Variants in SHC2 observed in about 807,000 individuals in gnomAD.
SHC2 encodes the protein SHC-transforming protein 2.
Under a neutral mutation model 60.6 loss-of-function variants are expected in SHC2, and 62 were observed. The observed-to-expected ratio is 1.02, with a 90% confidence interval of 0.83 to 1.26. SHC2 has a LOEUF of 1.26. Among genes scored for constraint, SHC2 ranks in the 50% most tolerant of loss-of-function variants. SHC2 has a pLI of 0.00. For missense variants in SHC2, 873 were observed against 822.2 expected (o/e 1.06, Z -0.76); for synonymous variants, 375 against 372.4 (o/e 1.01, Z -0.08).
chr19:449,041 A>C (rs1413166033), intron 1 of SHC2, among the ~76,000 whole-genome samples: 1 of 151,898 alleles, frequency 6.6e-6, no homozygotes, highest in African/African-American at 2.4e-5. Context: ...GGTGGTGCAC[A>C]CCTGTAGTCC....
rs112121087 is a variant in SHC2 at position 436,741 on chromosome 19, C to T, written c.721-58G>A. 3.3e-3 allele frequency: 5,032 copies of T among 1,505,588 alleles called. 146 individuals are homozygous for T. The African/African-American group carries it at 0.059, about 18-fold the overall frequency. 93.3% of individuals were successfully genotyped at this position (1,505,588 alleles called of 1,614,324 possible). A position where few individuals can be genotyped will look rare whatever the true frequency, so the allele number is the denominator to read the frequency against. ...GGCCCCGCTTCGAGGGCAGGGGGCC[C>T]GGCAGATGGACCAGGACCACAGCGA... On this transcript the variant is annotated intron_variant, in intron 4 of 12. Transcript: ENST00000264554.
chr19:451,723 G>A (rs769116700), intron 1 of SHC2, among the ~76,000 whole-genome samples: 7 of 151,970 alleles, frequency 4.6e-5, no homozygotes, highest in Non-Finnish European at 8.8e-5. Flanking sequence ...TCAGCCTCCC[G>A]AGTAGCTGGG....
intron 1 of SHC2, among the ~76,000 whole-genome samples, chr19:460,179 C>G (rs1227634972): frequency 6.6e-6 from 1 of 152,208 alleles, no homozygotes; most frequent in Non-Finnish European, 1.5e-5. Flanking sequence ...GTCTGTCATT[C>G]GTGAACAGCT....
intron 1 of SHC2, among the ~76,000 whole-genome samples, chr19:443,039 A>G (rs1341789843): frequency 2.8e-5 from 3 of 107,388 alleles, no homozygotes; most frequent in Non-Finnish European, 1.9e-5. Context: ...GGATGAATGG[A>G]TGGATGGACG....
rs1027077293 is a variant in SHC2, at chr19:445,502, G to C, written c.469-4570C>G. Among the ~76,000 whole-genome samples, 6 of 152,212 alleles carry C rather than the reference G, an allele frequency of 3.9e-5. No individual in the cohort carries two copies. The highest frequency in any genetic ancestry group is 1.4e-4 in the African/African-American group (6 of 41,454). On this transcript the variant is annotated intron_variant, in intron 1 of 12. Coordinates refer to ENST00000264554, the MANE Select transcript of SHC2 (RefSeq NM_012435.3). The surrounding 1 kb of genome is among the most constrained non-coding windows in gnomAD (Gnocchi z 4.4). ...TAATCGCAGCACTTCAGGAGACCTAGGTGGGAGGCTGTCTCGAAGCCAGGA... is the reference window on the plus strand; with the variant it reads ...TAATCGCAGCACTTCAGGAGACCTACGTGGGAGGCTGTCTCGAAGCCAGGA...
At chr19:455,970 C>T (rs369361451) in intron 1 of SHC2, among the ~76,000 whole-genome samples, 15 of 152,272 alleles carry the variant, frequency 9.9e-5, no homozygotes, top group African/African-American at 3.1e-4. Flanking sequence ...GATGTGGACA[C>T]GGGGCCGTTG....
At chr19:418,566 C>T (rs1974203271) in intron 12 of SHC2, among the ~76,000 whole-genome samples, 1 of 152,208 alleles carries the variant, frequency 6.6e-6, no homozygotes, top group Non-Finnish European at 1.5e-5. Context: ...GGCGCAATGC[C>T]CCTGGAGGAC....
At chr19:444,950 A>G (rs1975017484) in intron 1 of SHC2, among the ~76,000 whole-genome samples, 1 of 152,214 alleles carries the variant, frequency 6.6e-6, no homozygotes, top group South Asian at 2.1e-4. Context: ...CTCCTGGGCC[A>G]CACGGCCCGC....
rs539357580 is a variant in SHC2, at chr19:429,304, C to T, written c.1174+1380G>A. 2.9e-3 allele frequency among the ~76,000 whole-genome samples: 427 copies of T among 149,568 alleles called. 1 individual carries two copies. The highest frequency in any genetic ancestry group is 9.9e-3 in the African/African-American group (402 of 40,458). ...TGGATGACGCAGTACCTATACCCAA[C>T]ATGCACGGAAACCTAACACCGTGTG... On this transcript the variant is annotated intron_variant, in intron 9 of 12. Transcript: ENST00000264554.
chr19:430,880 C>T (rs1974570205), intron 8 of SHC2, 133 bp from the exon 9 acceptor site: 2 of 776,576 alleles, frequency 2.6e-6, no homozygotes, highest in Non-Finnish European at 4.2e-6. Flanking sequence ...CTGGCCCTCC[C>T]ATTGCTCTCT....
rs745466042 is a variant in SHC2, at chr19:440,347, T to G, written c.539+515A>C. The stretch of plus-strand genomic sequence containing the variant: ...CTCAAACTGTACATTATATCTCACA[T>G]ACGCACGTGTAAACTGTCTCACATG... On this transcript the variant is annotated intron_variant, in intron 2 of 12. Coordinates refer to ENST00000264554, the MANE Select transcript of SHC2 (RefSeq NM_012435.3). The surrounding 1 kb of genome is among the most constrained non-coding windows in gnomAD (Gnocchi z 7.0). Among the ~76,000 whole-genome samples, 12 of 152,176 alleles carry G rather than the reference T, an allele frequency of 7.9e-5. No individual in the cohort carries two copies. Among genetic ancestry groups the G allele is most frequent in the Non-Finnish European group, 1.6e-4 (11 of 68,022 alleles).
chr19:459,752 GGA>G (rs1975493268), intron 1 of SHC2, among the ~76,000 whole-genome samples: 1 of 152,216 alleles, frequency 6.6e-6, no homozygotes, highest in Admixed American at 6.5e-5. Context: ...GGAGGAGCTG[GGA>G]GCACCCACCG....
chr19:460,469 G>GA, intron 1 of SHC2, 60 bp downstream of exon 1: 10 of 914,740 alleles, frequency 1.1e-5, no homozygotes, highest in Non-Finnish European at 1.4e-5. Flanking sequence ...TCCCGGAGGA[G>GA]AGGGTGGGGG....
Position 446,396 on chromosome 19 carries a change from C to T in SHC2, c.469-5464G>A, listed in dbSNP as rs371589396. Among the ~76,000 whole-genome samples the T allele has an allele frequency of 6.6e-6, 1 of 152,090 alleles. No individual in the cohort carries two copies. The highest frequency in any genetic ancestry group is 1.5e-5 in the Non-Finnish European group (1 of 68,010). ...TGCGATCACGACTCACTGCAACTTCCGCCTCCCGGGTTCACACCATTCTCC... is the reference window on the plus strand; with the variant it reads ...TGCGATCACGACTCACTGCAACTTCTGCCTCCCGGGTTCACACCATTCTCC... On this transcript the variant is annotated intron_variant, in intron 1 of 12. Transcript: ENST00000264554. This position sits in a 1 kb window ranked among gnomAD's most constrained non-coding sequence, Gnocchi z 5.4.
Position 460,935 on chromosome 19 carries a change from G to C in SHC2, c.62C>G (p.Ala21Gly), listed in dbSNP as rs1450027651. The C allele has an allele frequency of 6.1e-6, 6 of 989,086 alleles. No homozygotes were observed. The highest frequency in any genetic ancestry group is 6.2e-5 in the Admixed American group (1 of 16,118). The allele number at this position is 989,086 out of a possible 1,614,324, so 61.3% of individuals were successfully genotyped here. The stretch of plus-strand genomic sequence containing the variant: ...CAGCAACGCGCAGAAGGTGGTGGGC[G>C]CCTCGGGCTCGGGGGGCGCGGGGGG... ...PAPPAPPEPE[A>G]PTTFCALLPR... The change falls in exon 1 of 13, where the codon GCG becomes GGG. Residue 21 changes from alanine to glycine, a missense_variant. Physicochemically the swap from Ala to Gly is moderately conservative, Grantham distance 60. Coordinates refer to ENST00000264554, the MANE Select transcript of SHC2 (RefSeq NM_012435.3).
At chr19:457,753 G>T (rs569679623) in intron 1 of SHC2, among the ~76,000 whole-genome samples, 34 of 152,328 alleles carry the variant, frequency 2.2e-4, no homozygotes, top group African/African-American at 7.7e-4. Context: ...CACATCCACG[G>T]CCAATGGCCA....
At chr19:419,330 C>T in intron 11 of SHC2, 1 of 413,764 alleles carries the variant, frequency 2.4e-6, no homozygotes, top group Non-Finnish European at 4.3e-6. Context: ...GGTCCCAGCC[C>T]TCAGAGCCTG....
Position 429,188 on chromosome 19 carries a change from C to T in SHC2, c.1174+1496G>A, listed in dbSNP as rs530508085. Among the ~76,000 whole-genome samples the T allele has an allele frequency of 4.1e-5, 6 of 147,738 alleles. No homozygotes were observed. In the South Asian group the frequency reaches 1.1e-3, roughly 27 times the overall value. ...CAGAAACCTAACACCGTGTGGATGACGCAGTACCTATATCCAACATGCAGA... is the reference window on the plus strand; with the variant it reads ...CAGAAACCTAACACCGTGTGGATGATGCAGTACCTATATCCAACATGCAGA... On this transcript the variant is annotated intron_variant, in intron 9 of 12. Transcript: ENST00000264554.
rs565133640 is a variant in SHC2 at position 421,188 on chromosome 19, G to C, written c.1620+958C>G. On this transcript the variant is annotated intron_variant, in intron 11 of 12. Coordinates refer to ENST00000264554, the MANE Select transcript of SHC2 (RefSeq NM_012435.3). ...CCGAGGCGGGTGGATCACGAGGTCA[G>C]AAGTTTGAGAACAGCCTGGCCAATA... 2.5e-3 allele frequency among the ~76,000 whole-genome samples: 379 copies of C among 152,146 alleles called. 2 individuals carry two copies. Among genetic ancestry groups the C allele is most frequent in the African/African-American group, 8.6e-3 (356 of 41,518 alleles).
Sources: gnomAD v4.1 joint callset for allele counts (sites outside exome capture counted in the v4.1 genomes callset) on GRCh38, gnomAD v4.1.1 for gene constraint, Gnocchi (gnomAD v3.1) non-coding constraint, MANE v1.5 for transcripts, NCBI Gene and HGNC (gene_info 2026-07-23, HGNC 2026-07-21) for gene names.